The following AGBL1 variants were observed in gnomAD, a reference collection of about 807,000 sequenced individuals.
AGBL1 encodes cytosolic carboxypeptidase 4.
Under a neutral mutation model 118.9 loss-of-function variants are expected in AGBL1, and 130 were observed. The observed-to-expected ratio is 1.09, with a 90% CI of 0.95 to 1.26. The LOEUF (loss-of-function observed/expected upper bound fraction) is 1.26, where lower values mean the gene tolerates loss of function less well. AGBL1 is among the 50% of genes most tolerant of loss of function. The pLI is 0.00. For missense variants in AGBL1, 1,584 were observed against 1,298.1 expected, an observed-to-expected ratio of 1.22 and a Z score of -3.38; for synonymous variants, 555 against 478.9, an observed-to-expected ratio of 1.16 and a Z score of -2.08.
chr15:86,266,311 A>G, intron 11 of AGBL1, 63 bp from the exon 12 acceptor site: 1 of 1,282,294 alleles, frequency 7.8e-7, no homozygotes, highest in African/African-American at 1.5e-5. Flanking sequence ...CCAGGTGATC[A>G]CAGGATGAGT....
chr15:86,168,975 A>G (rs993914155), intron 5 of AGBL1, among the ~76,000 whole-genome samples: 1 of 152,214 alleles, frequency 6.6e-6, no homozygotes, highest in East Asian at 1.9e-4. Flanking sequence ...TAAAAAACAA[A>G]CTAGAGATAA....
At chr15:86,530,623 C>T (rs892465142) in intron 19 of AGBL1, among the ~76,000 whole-genome samples, 2 of 151,478 alleles carry the variant, frequency 1.3e-5, no homozygotes, top group Non-Finnish European at 2.9e-5. Context: ...TAGACATCTA[C>T]AGAACTCTCC....
At chr15:86,664,319 C>T (rs992988912) in intron 21 of AGBL1, among the ~76,000 whole-genome samples, 3 of 152,164 alleles carry the variant, frequency 2.0e-5, no homozygotes, top group African/African-American at 7.2e-5. Context: ...GCCACAGAGC[C>T]CATCCACCAG....
intron 21 of AGBL1, among the ~76,000 whole-genome samples, chr15:86,620,430 A>G (rs908652832): frequency 6.6e-6 from 1 of 152,116 alleles, no homozygotes; most frequent in Non-Finnish European, 1.5e-5. Flanking sequence ...TCCTTTGTGG[A>G]TTGCACCCCA....
At chr15:86,963,910 A>G (rs1028265354) in intron 23 of AGBL1, among the ~76,000 whole-genome samples, 4 of 151,926 alleles carry the variant, frequency 2.6e-5, no homozygotes, top group Non-Finnish European at 5.9e-5. Context: ...TCTTGAAGAA[A>G]GAATTATGAG....
At chr15:86,301,571 G>C (rs903012634) in intron 17 of AGBL1, among the ~76,000 whole-genome samples, 4 of 151,696 alleles carry the variant, frequency 2.6e-5, no homozygotes, top group Non-Finnish European at 5.9e-5. Flanking sequence ...GGCAACCTGG[G>C]CTGAAGATAT....
At chr15:86,229,462 C>T (rs1044593822) in intron 6 of AGBL1, among the ~76,000 whole-genome samples, 18 of 152,160 alleles carry the variant, frequency 1.2e-4, no homozygotes, top group East Asian at 9.6e-4. Flanking sequence ...TAACTGCCCC[C>T]GTGATTCAAT....
intron 22 of AGBL1, among the ~76,000 whole-genome samples, chr15:86,732,828 A>G (rs2077543269): frequency 6.6e-6 from 1 of 151,758 alleles, no homozygotes; most frequent in Non-Finnish European, 1.5e-5. Flanking sequence ...GAGCATTAGA[A>G]GATATATTAG....
intron 19 of AGBL1, among the ~76,000 whole-genome samples, chr15:86,544,503 G>T (rs931658598): frequency 3.9e-5 from 6 of 152,166 alleles, no homozygotes; most frequent in African/African-American, 1.4e-4. Context: ...GGTTTAATTG[G>T]CTCACAGTTC....
At chr15:86,343,469 C>T (rs565904720) in intron 17 of AGBL1, among the ~76,000 whole-genome samples, 133 of 152,284 alleles carry the variant, frequency 8.7e-4, no homozygotes, top group African/African-American at 3.1e-3. Flanking sequence ...TCTCCAGTTT[C>T]ATGTGCTGTT....
chr15:86,652,086 C>T (rs2085381245), intron 21 of AGBL1, among the ~76,000 whole-genome samples: 2 of 152,074 alleles, frequency 1.3e-5, no homozygotes, highest in Admixed American at 1.3e-4. Context: ...ATTCTTTCCC[C>T]AATACAATAA....
chr15:86,478,877 A>G (rs989101406), intron 18 of AGBL1, among the ~76,000 whole-genome samples: 1 of 152,204 alleles, frequency 6.6e-6, no homozygotes, highest in African/African-American at 2.4e-5. Context: ...ACTGGTACCA[A>G]AACAGAGATA....
chr15:86,326,247 T>C (rs1485129237), intron 17 of AGBL1, among the ~76,000 whole-genome samples: 37 of 152,124 alleles, frequency 2.4e-4, no homozygotes, highest in Admixed American at 2.4e-3. Context: ...ACCCTTTCAG[T>C]CTAGAAGATA....
chr15:86,173,782 G>A (rs1454427009), intron 5 of AGBL1, among the ~76,000 whole-genome samples: 1 of 152,048 alleles, frequency 6.6e-6, no homozygotes, highest in South Asian at 2.1e-4. Flanking sequence ...TGGGTTTTCT[G>A]TTCTGCTGTG....
At chr15:86,434,010 T>C (rs2081971305) in intron 18 of AGBL1, among the ~76,000 whole-genome samples, 1 of 152,208 alleles carries the variant, frequency 6.6e-6, no homozygotes, top group African/African-American at 2.4e-5. Flanking sequence ...ATCCAGAAAT[T>C]CTAGTTGATA....
chr15:86,966,032 T>C (rs1476750376), intron 23 of AGBL1, among the ~76,000 whole-genome samples: 3 of 151,904 alleles, frequency 2.0e-5, no homozygotes, highest in African/African-American at 7.2e-5. Flanking sequence ...AAGGAAATAA[T>C]AGACAGTTTA....
intron 5 of AGBL1, among the ~76,000 whole-genome samples, chr15:86,203,141 C>T (rs2077934757): frequency 6.6e-6 from 1 of 151,982 alleles, no homozygotes; most frequent in South Asian, 2.1e-4. Context: ...TGATGCTAAT[C>T]ACCATAAAAG....
chr15:86,692,371 G>T (rs371063414), intron 22 of AGBL1, among the ~76,000 whole-genome samples: 32 of 151,950 alleles, frequency 2.1e-4, no homozygotes, highest in African/African-American at 7.5e-4. Flanking sequence ...AAGCACCTTG[G>T]GAAAAGCAGA....
At chr15:86,562,082 C>T (rs1370084509) in intron 21 of AGBL1, among the ~76,000 whole-genome samples, 1 of 152,192 alleles carries the variant, frequency 6.6e-6, no homozygotes, top group Non-Finnish European at 1.5e-5. Context: ...TCTAAATATA[C>T]AATTATGTCA....
Sources: gnomAD v4.1 joint callset for allele counts (sites outside exome capture counted in the v4.1 genomes callset) on GRCh38, gnomAD v4.1.1 for gene constraint, MANE v1.5 for transcripts, NCBI Gene and HGNC (gene_info 2026-07-23, HGNC 2026-07-21) for gene names.